The following PPM1J variants were observed in gnomAD, a reference collection of about 807,000 sequenced individuals.
The protein encoded by PPM1J is protein phosphatase, Mg2+/Mn2+ dependent 1J, also known as protein phosphatase 1J.
In PPM1J, 43 loss-of-function variants were observed where a neutral mutation model predicts 53.3. The ratio of observed to expected loss-of-function variants is 0.81; its 90% confidence interval spans 0.63 to 1.04. The LOEUF (loss-of-function observed/expected upper bound fraction) is 1.04. Among genes scored for constraint, PPM1J ranks in the 50% least tolerant of loss-of-function variants. The probability of loss-of-function intolerance (pLI) is 0.00; values close to 1 mark genes in which losing one functional copy is unlikely to be tolerated. For missense variants in PPM1J, 635 were observed against 685.9 expected (o/e 0.93, Z 0.83); for synonymous variants, 267 against 286.4 (o/e 0.93, Z 0.68).
In PPM1J at chr1:112,711,044, ATCC is replaced by A. The variant is rs755555517; in HGVS notation, c.1071_1073del (p.Glu357del). ...CCCCACAGACCAGAGGAAACCTGAGATCCTCCAGCTCGATCTTTTTGTAGGCCC... is the reference window on the plus strand; with the variant it reads ...CCCCACAGACCAGAGGAAACCTGAGATCCAGCTCGATCTTTTTGTAGGCCC... On this transcript the variant is annotated inframe_deletion, in exon 7 of 10. Coordinates refer to ENST00000309276, the MANE Select transcript of PPM1J (RefSeq NM_005167.7). 1.2e-6 allele frequency: 2 copies of A among 1,614,022 alleles called. No individual in the cohort carries two copies. The highest frequency in any genetic ancestry group is 4.5e-5 in the East Asian group (2 of 44,882).
intron 5 of PPM1J, chr1:112,711,604 G>A (rs74113235): frequency 0.028 from 15,718 of 555,136 alleles, 280 homozygotes; most frequent in East Asian, 0.061. Context: ...GAACTGCTCC[G>A]GTCACACAAT....
intron 7 of PPM1J, 61 bp from the exon 8 acceptor site, chr1:112,710,912 A>T: frequency 6.3e-7 from 1 of 1,595,532 alleles, no homozygotes; most frequent in East Asian, 2.2e-5. Context: ...GAAACCAAAG[A>T]TCCCTTCCAC....
At chr1:112,713,992 C>T in intron 1 of PPM1J, 3 of 1,092,936 alleles carry the variant, frequency 2.7e-6, no homozygotes, top group Non-Finnish European at 3.4e-6. Flanking sequence ...CTACATCCCA[C>T]CCTCAACCAC....
At chr1:112,714,073 A>C in intron 1 of PPM1J, 1 of 1,012,494 alleles carries the variant, frequency 9.9e-7, no homozygotes, top group Non-Finnish European at 1.2e-6. Flanking sequence ...TCCTAAAACC[A>C]TCCAGCGAAA....
intron 1 of PPM1J, chr1:112,714,425 C>T (rs1335342395): frequency 3.7e-5 from 36 of 985,760 alleles, no homozygotes; most frequent in Non-Finnish European, 4.2e-5. Flanking sequence ...TGGGACCCTC[C>T]TCTACCCCGG....
rs114357529 is a variant in PPM1J at position 112,711,326 on chromosome 1, C to G, written c.986G>C (p.Arg329Thr). The G allele has an allele frequency of 6.2e-5, 100 of 1,607,648 alleles. No homozygotes were observed. The East Asian group carries it at 2.1e-3, about 34-fold the overall frequency. ...SEFTHLEFPR[R>T]VLPKELGQRM... ...CTGCCCCAGCTCCTTGGGCAGAACTCTGCGGGGGAACTCAAGGTGGGTGAA... is the reference window on the plus strand; with the variant it reads ...CTGCCCCAGCTCCTTGGGCAGAACTGTGCGGGGGAACTCAAGGTGGGTGAA... The change falls in exon 6 of 10, where the codon AGA becomes ACA. Residue 329 changes from arginine to threonine, a missense_variant. By Grantham distance (71) the Arg-to-Thr change is moderately conservative. Coordinates refer to ENST00000309276, the MANE Select transcript of PPM1J (RefSeq NM_005167.7).
At chr1:112,714,609 C>T (rs1275376332) in intron 1 of PPM1J, 3 of 1,073,558 alleles carry the variant, frequency 2.8e-6, no homozygotes, top group Non-Finnish European at 3.4e-6. Flanking sequence ...AAAAGAACCC[C>T]GCTCCTTCGT....
intron 3 of PPM1J, 136 bp from the exon 4 acceptor site, chr1:112,712,593 G>T: frequency 9.0e-7 from 1 of 1,108,708 alleles, no homozygotes; most frequent in Non-Finnish European, 1.3e-6. Flanking sequence ...GAAGACTGGG[G>T]TGTAACTGCC....
Position 112,715,040 on chromosome 1 carries a change from C to T in PPM1J, c.262G>A (p.Gly88Ser). The T allele has an allele frequency of 1.3e-6, 2 of 1,529,152 alleles. No homozygotes were observed. Among genetic ancestry groups the T allele is most frequent in the Non-Finnish European group, 8.7e-7 (1 of 1,146,788 alleles). The allele number at this position is 1,529,152 out of a possible 1,614,324, so 94.7% of individuals were successfully genotyped here. ...GGLRRADDHAGRAVQSPPDTG... is the reference protein window; with the variant it reads ...GGLRRADDHASRAVQSPPDTG... ...TCCGGGGGGCTTTGCACAGCCCGGC[C>T]CGCGTGGTCATCGGCGCGTCGCAGC... The change falls in exon 1 of 10, where the codon GGC becomes AGC. Residue 88 changes from glycine (G) to serine (S), a missense_variant. Transcript: ENST00000309276. The surrounding 1 kb of genome is among the most constrained non-coding windows in gnomAD (Gnocchi z 4.4).
chr1:112,714,724 G>T, intron 1 of PPM1J: 4 of 1,247,202 alleles, frequency 3.2e-6, no homozygotes, highest in African/African-American at 1.6e-5. Context: ...GGCAGAACAG[G>T]GTCCTGAGGC....
intron 7 of PPM1J, 23 bp from the exon 8 acceptor site, chr1:112,710,874 G>A: frequency 6.2e-7 from 1 of 1,605,284 alleles, no homozygotes; most frequent in Non-Finnish European, 8.5e-7. Context: ...AGGAGGGAGT[G>A]CCACTGTAGT....
intron 1 of PPM1J, chr1:112,713,910 G>A (rs1570843680): frequency 1.5e-6 from 1 of 662,488 alleles, no homozygotes; most frequent in Non-Finnish European, 2.3e-6. Flanking sequence ...AAAAGAAAAA[G>A]GCATTCCTAG....
In PPM1J at chr1:112,711,052, G is replaced by C. The variant is rs1286541802; in HGVS notation, c.1066C>G (p.Leu356Val). The C allele has an allele frequency of 6.2e-7, 1 of 1,613,954 alleles. No homozygotes were observed. Among genetic ancestry groups the C allele is most frequent in the Non-Finnish European group, 8.5e-7 (1 of 1,179,964 alleles). Residue 356 changes from leucine (L) to valine (V), a missense_variant, in exon 7 of 10, where the codon CTG (leucine) becomes GTG (valine). Coordinates refer to ENST00000309276, the MANE Select transcript of PPM1J (RefSeq NM_005167.7). ...ACCAGAGGAAACCTGAGATCCTCCA[G>C]CTCGATCTTTTTGTAGGCCCTGGGG... ...MTGWAYKKIE[L>V]EDLRFPLVCG...
At position 112,712,334 on chromosome 1, in the gene PPM1J, C is replaced by CG. The variant is rs764769545; in HGVS notation, c.842+10_842+11insC. The CG allele has an allele frequency of 7.8e-5, 124 of 1,594,938 alleles. No homozygotes were observed. Among genetic ancestry groups the CG allele is most frequent in the Non-Finnish European group, 9.6e-5 (112 of 1,168,684 alleles). ...CCCTCTGTCGCCACCTTGGAGCCCC[C>CG]TCCCCCATACCTGCTATCGCCTGCA... On this transcript the variant is annotated intron_variant, in intron 4 of 9. Coordinates refer to ENST00000309276, the MANE Select transcript of PPM1J (RefSeq NM_005167.7).
Position 112,710,169 on chromosome 1 carries a change from G to GGA in PPM1J, c.1511_1512insTC (p.Ser505ProfsTer29). 6.4e-7 allele frequency: 1 copy of GGA among 1,564,048 alleles called. No individual in the cohort carries two copies. Among genetic ancestry groups the GGA allele is most frequent in the Non-Finnish European group, 8.6e-7 (1 of 1,159,312 alleles). On this transcript the variant is annotated frameshift_variant, in exon 10 of 10. Coordinates refer to ENST00000309276, the MANE Select transcript of PPM1J (RefSeq NM_005167.7). LOFTEE classifies it high-confidence loss of function. ...AGGGATGGTGTTCAGCCCCTCAGGA[G>GGA]TAACTGCCTGGCCCTCCCAGGGGGA...
chr1:112,713,958 T>G (rs1570843760), intron 1 of PPM1J: 2 of 972,002 alleles, frequency 2.1e-6, no homozygotes, highest in South Asian at 2.2e-5. Context: ...GTAGCAGAAG[T>G]TTTACTTCCC....
intron 6 of PPM1J, 53 bp downstream of exon 6, chr1:112,711,212 AG>A: frequency 1.3e-6 from 2 of 1,493,194 alleles, no homozygotes; most frequent in Non-Finnish European, 1.9e-6. Flanking sequence ...GCTGCGGGCG[AG>A]GGACTGGTTG....
chr1:112,714,320 A>G lies in PPM1J; in HGVS notation c.326+656T>C, dbSNP rs550520748. 3.0e-6 allele frequency: 3 copies of G among 985,602 alleles called. No individual in the cohort carries two copies. In the South Asian group the frequency reaches 1.4e-4, roughly 46 times the overall value. 61.1% of individuals were successfully genotyped at this position (985,602 alleles called of 1,614,324 possible). A position where few individuals can be genotyped will look rare whatever the true frequency, so the allele number is the denominator to read the frequency against. On this transcript the variant is annotated intron_variant, in intron 1 of 9. Transcript: ENST00000309276. ...CTGCGTTCCCGGCAGATGCATTTAAAATACACACAGCCCGGGGGCCAGCCG... is the reference window on the plus strand; with the variant it reads ...CTGCGTTCCCGGCAGATGCATTTAAGATACACACAGCCCGGGGGCCAGCCG...
chr1:112,714,667 A>C, intron 1 of PPM1J: 4 of 1,192,204 alleles, frequency 3.4e-6, no homozygotes, highest in Non-Finnish European at 3.1e-6. Flanking sequence ...GCGACGGGGA[A>C]CTGGCCAACT....
Sources: gnomAD v4.1 joint callset for allele counts on GRCh38, gnomAD v4.1.1 for gene constraint, Gnocchi (gnomAD v3.1) non-coding constraint, MANE v1.5 for transcripts, NCBI Gene and HGNC (gene_info 2026-07-23, HGNC 2026-07-21) for gene names.